The following ZSWIM4 variants were observed in gnomAD, a reference collection of about 807,000 sequenced individuals.
ZSWIM4 encodes the protein zinc finger SWIM-type containing 4.
In ZSWIM4, 62 loss-of-function variants were observed where a neutral mutation model predicts 102.5. The observed-to-expected ratio is 0.60, with a 90% CI of 0.49 to 0.75. The LOEUF (loss-of-function observed/expected upper bound fraction) is 0.75. Ranked by LOEUF, ZSWIM4 falls within the 30% of genes least tolerant of loss-of-function variation. The pLI, the probability that ZSWIM4 is intolerant of heterozygous loss-of-function variation, is 0.00. For synonymous variants in ZSWIM4, 652 were observed against 674.5 expected (o/e 0.97, Z 0.52); for missense variants, 1,280 against 1,529.6 (o/e 0.84, Z 2.72).
In ZSWIM4 at chr19:13,799,879, C is replaced by A. The variant is rs1599577702; in HGVS notation, c.313C>A (p.His105Asn). The A allele has an allele frequency of 6.2e-7, 1 of 1,613,224 alleles. No homozygotes were observed. Among genetic ancestry groups the A allele is most frequent in the Non-Finnish European group, 8.5e-7 (1 of 1,179,982 alleles). ...DARVPFTRGL[H>N]LLQSGAVDRV... is the part of the protein sequence containing the mutation. ...CCGGGTGCCCTTTACCCGCGGGCTG[C>A]ACCTGCTCCAGAGCGGGGCCGTGGA... The change falls in exon 2 of 14, where the codon CAC becomes AAC. Residue 105 changes from histidine to asparagine, a missense_variant. Physicochemically the swap from His to Asn is moderately conservative, Grantham distance 68. Transcript: ENST00000590508.
At position 13,809,461 on chromosome 19, in the gene ZSWIM4, C is replaced by G. The variant is rs1233714448; in HGVS notation, c.1012+241C>G. Among the ~76,000 whole-genome samples the G allele has an allele frequency of 6.6e-6, 1 of 152,154 alleles. No homozygotes were observed. The highest frequency in any genetic ancestry group is 2.4e-5 in the African/African-American group (1 of 41,424). ...GCACAGGCAATCAAATGTCATTGGC[C>G]CAGGGGTTGATACACACGTACACAC... On this transcript the variant is annotated intron_variant, in intron 5 of 13. Transcript: ENST00000590508. The surrounding 1 kb of genome is among the most constrained non-coding windows in gnomAD (Gnocchi z 4.2).
chr19:13,817,740 G>A lies in ZSWIM4; in HGVS notation c.1688G>A (p.Arg563Gln), dbSNP rs370112851. The A allele has an allele frequency of 1.4e-5, 23 of 1,607,658 alleles. No homozygotes were observed. The highest frequency in any genetic ancestry group is 1.9e-5 in the Non-Finnish European group (22 of 1,177,934). The change falls in exon 9 of 14, where the codon CGG (arginine) becomes CAG (glutamine). Residue 563 changes from arginine to glutamine, a missense_variant. Arg to Gln is a conservative substitution (Grantham distance 43, BLOSUM62 1). Coordinates refer to ENST00000590508, the MANE Select transcript of ZSWIM4 (RefSeq NM_001367834.3). ...CCCCCAGACTCAGGCCCCGAGAAGC[G>A]GAAGGTGGCCTACCAGCACGTGCCT... is the stretch of plus-strand genomic sequence containing the variant. The part of the protein sequence containing the change: ...TLYPDSGPEK[R>Q]KVAYQHVPVP...
chr19:13,825,413 C>G lies in ZSWIM4; in HGVS notation c.2216-137C>G. 9.6e-7 allele frequency: 1 copy of G among 1,043,636 alleles called. No individual in the cohort carries two copies. Among genetic ancestry groups the G allele is most frequent in the Non-Finnish European group, 1.4e-6 (1 of 714,438 alleles). 64.6% of individuals were successfully genotyped at this position (1,043,636 alleles called of 1,614,324 possible). On this transcript the variant is annotated intron_variant, in intron 11 of 13. Coordinates refer to ENST00000590508, the MANE Select transcript of ZSWIM4 (RefSeq NM_001367834.3). The surrounding 1 kb of genome is among the most constrained non-coding windows in gnomAD (Gnocchi z 4.6). ...CACTGAGGTCTGAATCTTCACAGAA[C>G]CATGGCCCAGTACACATCCCTCCAC...
chr19:13,799,751 C>T lies in ZSWIM4; in HGVS notation c.185C>T (p.Pro62Leu), dbSNP rs1054172266. 1 of 1,614,038 alleles carries T rather than the reference C, an allele frequency of 6.2e-7. No individual in the cohort carries two copies. The highest frequency in any genetic ancestry group is 8.5e-7 in the Non-Finnish European group (1 of 1,180,002). The stretch of plus-strand genomic sequence containing the variant: ...GAGCGGTTCTCCCGGGTGCCTGAGC[C>T]CGTCCAGAAGCGCATCGTGTTTTGG... ...VEERFSRVPE[P>L]VQKRIVFWSF... is the part of the protein sequence containing the mutation. Residue 62 changes from proline (P) to leucine (L), a missense_variant, in exon 2 of 14, where the codon CCC becomes CTC. Physicochemically the swap from Pro to Leu is moderately conservative, Grantham distance 98 (BLOSUM62 -3). Transcript: ENST00000590508.
At chr19:13,812,098 G>A (rs1036670167) in intron 5 of ZSWIM4, among the ~76,000 whole-genome samples, 2 of 151,810 alleles carry the variant, frequency 1.3e-5, no homozygotes, top group African/African-American at 4.8e-5. Context: ...ATAAAAACAA[G>A]TACAAATAAA....
rs373925714 is a variant in ZSWIM4, at chr19:13,819,475, C to T, written c.2043C>T (p.Leu681=). The part of the protein sequence containing the change: ...LPHDPDLAYR[L]ALRAMRLPIL... Reference sequence around the variant, plus strand: ...ATGACCCGGACCTGGCCTATCGCCTCGCGCTGCGAGCTATGAGGTGAGGAT... The same window carrying T: ...ATGACCCGGACCTGGCCTATCGCCTTGCGCTGCGAGCTATGAGGTGAGGAT... Residue 681 remains leucine (L), a synonymous_variant, in exon 10 of 14, where the codon CTC becomes CTT. Transcript: ENST00000590508. The T allele has an allele frequency of 4.4e-6, 7 of 1,603,200 alleles. No individual in the cohort carries two copies. Among genetic ancestry groups the T allele is most frequent in the African/African-American group, 4.0e-5 (3 of 74,804 alleles).
intron 10 of ZSWIM4, among the ~76,000 whole-genome samples, chr19:13,823,022 G>A (rs1975510110): frequency 6.6e-6 from 1 of 151,914 alleles, no homozygotes; most frequent in Non-Finnish European, 1.5e-5. Context: ...ATGGTGGCAC[G>A]TGCCTGTAGT....
chr19:13,800,805 A>T (rs2594720), intron 2 of ZSWIM4, among the ~76,000 whole-genome samples: 2 of 151,844 alleles, frequency 1.3e-5, no homozygotes, highest in Non-Finnish European at 2.9e-5. Context: ...AACCAGAAAC[A>T]GGGGAGGAGA....
At chr19:13,816,950 C>T (rs370932706) in intron 7 of ZSWIM4, among the ~76,000 whole-genome samples, 3 of 152,130 alleles carry the variant, frequency 2.0e-5, no homozygotes, top group African/African-American at 7.2e-5. Context: ...CATGGTGGCC[C>T]ATGCCTGTAA....
intron 2 of ZSWIM4, among the ~76,000 whole-genome samples, chr19:13,802,114 T>A (rs1248847438): frequency 6.6e-6 from 1 of 151,066 alleles, no homozygotes; most frequent in Non-Finnish European, 1.5e-5. Flanking sequence ...TAGCTGGGAC[T>A]ACAGGCACCT....
At chr19:13,830,003 A>AAG (rs1382728094) in intron 13 of ZSWIM4, among the ~76,000 whole-genome samples, 188 bp from the exon 14 acceptor site, 2 of 152,114 alleles carry the variant, frequency 1.3e-5, no homozygotes. Context: ...AGAGGCTCCA[A>AAG]AGCTTAGCCT....
intron 2 of ZSWIM4, among the ~76,000 whole-genome samples, chr19:13,804,469 C>CAAATAAATAAATAAATAAAT (rs538890080): frequency 1.7e-4 from 25 of 150,090 alleles, no homozygotes; most frequent in African/African-American, 5.9e-4. Flanking sequence ...AGCTCTGTCC[C>CAAATAAATAAATAAATAAAT]AAATAAATAA....
rs1568331795 is a variant in ZSWIM4, at chr19:13,808,855, C to G, written c.732C>G (p.Ala244=). 1.2e-6 allele frequency: 2 copies of G among 1,608,924 alleles called. No homozygotes were observed. Among genetic ancestry groups the G allele is most frequent in the East Asian group, 2.2e-5 (1 of 44,694 alleles). Residue 244 remains alanine, a synonymous_variant, in exon 4 of 14, where the codon GCC becomes GCG. Coordinates refer to ENST00000590508, the MANE Select transcript of ZSWIM4 (RefSeq NM_001367834.3). ...NLVNGAPDPT[A]GAGIEDANCW... ...CGGCAGGTGCCCCAGACCCCACCGCCGGCGCAGGAATCGAGGACGCCAACT... is the reference window on the plus strand; with the variant it reads ...CGGCAGGTGCCCCAGACCCCACCGCGGGCGCAGGAATCGAGGACGCCAACT...
intron 10 of ZSWIM4, among the ~76,000 whole-genome samples, chr19:13,821,473 G>A (rs112044134): frequency 2.8e-4 from 42 of 152,070 alleles, no homozygotes; most frequent in African/African-American, 9.9e-4. Context: ...ATTCAAGGCT[G>A]TAGTGATCTA....
In ZSWIM4 at chr19:13,830,086, T is replaced by TGTGGAGGTGGAA. The variant is rs752830384; in HGVS notation, c.2462-94_2462-83dup. On this transcript the variant is annotated intron_variant, in intron 13 of 13. Transcript: ENST00000590508. The stretch of plus-strand genomic sequence containing the variant: ...GAAAGGAAGTTTCTGTTCAGCATGG[T>TGTGGAGGTGGAA]GTGGAGGTGGAAGTGGAGGTGGCAG... 6.5e-6 allele frequency: 9 copies of TGTGGAGGTGGAA among 1,391,902 alleles called. No homozygotes were observed. The South Asian group carries it at 1.2e-4, about 18-fold the overall frequency. The allele number at this position is 1,391,902 out of a possible 1,614,324, so 86.2% of individuals were successfully genotyped here.
chr19:13,800,860 G>T (rs558927671), intron 2 of ZSWIM4, among the ~76,000 whole-genome samples: 1 of 152,278 alleles, frequency 6.6e-6, no homozygotes, highest in East Asian at 1.9e-4. Context: ...GGAGGGGTGA[G>T]GCCAGATGTG....
At chr19:13,810,931 T>TTTTTG (rs1975067884) in intron 5 of ZSWIM4, among the ~76,000 whole-genome samples, 1 of 140,092 alleles carries the variant, frequency 7.1e-6, no homozygotes, top group African/African-American at 2.7e-5. Context: ...TTTTTTTTTT[T>TTTTTG]GAGATGGAGT....
At chr19:13,817,027 CCA>C (rs1464080053) in intron 7 of ZSWIM4, among the ~76,000 whole-genome samples, 187 bp from the exon 8 acceptor site, 1 of 152,096 alleles carries the variant, frequency 6.6e-6, no homozygotes, top group Non-Finnish European at 1.5e-5. Flanking sequence ...TATGATTGGG[CCA>C]CTGCACTCCA....
In ZSWIM4 at chr19:13,830,750, G is replaced by A. The variant is rs374587203; in HGVS notation, c.3021G>A (p.Ala1007=). ...TTCTGCGCCGCTGGACTCTCTCGGC[G>A]CCCGGTCTGGGCCCCTTAGGGGCAC... ...SDILRRWTLS[A]PGLGPLGARR... is the part of the protein sequence containing the mutation. The change falls in exon 14 of 14, where the codon GCG becomes GCA. Residue 1007 remains alanine, a synonymous_variant. Transcript: ENST00000590508. 6 of 1,606,748 alleles carry A rather than the reference G, an allele frequency of 3.7e-6. No homozygotes were observed. Among genetic ancestry groups the A allele is most frequent in the East Asian group, 2.2e-5 (1 of 44,756 alleles).
Sources: allele counts gnomAD v4.1 joint callset (sites outside exome capture counted in the v4.1 genomes callset), GRCh38; gene constraint gnomAD v4.1.1; non-coding constraint Gnocchi (gnomAD v3.1); transcripts MANE v1.5; gene names NCBI Gene and HGNC (gene_info 2026-07-23, HGNC 2026-07-21).